Variants in LPIN2 observed in about 807,000 individuals in gnomAD.
LPIN2 encodes phosphatidate phosphatase LPIN2.
In LPIN2, 55 loss-of-function variants were observed where a neutral mutation model predicts 111.4. The observed-to-expected ratio is 0.49, with a 90% CI of 0.40 to 0.62. LPIN2 has a LOEUF of 0.62. LPIN2 is among the 20% of genes least tolerant of loss of function. LPIN2 has a pLI of 0.00. For missense variants in LPIN2, 992 were observed against 1,112.1 expected, an observed-to-expected ratio of 0.89 and a Z score of 1.54; for synonymous variants, 425 against 414.0, an observed-to-expected ratio of 1.03 and a Z score of -0.32.
In LPIN2 at chr18:2,918,544, A is replaced by G. The variant is rs760254986; in HGVS notation, c.*1749T>C. ...GAACCCAGGATCCCTAACCTACTGT[A>G]GATAAATAAACTCATTAAACAATTA... On this transcript the variant is annotated 3_prime_UTR_variant, in exon 20 of 20. Transcript: ENST00000677752. The G allele has an allele frequency of 1.3e-5, 2 of 152,222 alleles. No homozygotes were observed. The highest frequency in any genetic ancestry group is 2.4e-5 in the African/African-American group (1 of 41,448). 9.4% of individuals were successfully genotyped at this position (152,222 alleles called of 1,614,324 possible).
In LPIN2 at chr18:2,934,357, G is replaced by A; in HGVS notation, c.1262C>T (p.Pro421Leu). Reference protein sequence around the residue: ...LEPEVAALYFPKSESEPGSRQ... With the variant: ...LEPEVAALYFLKSESEPGSRQ... Reference sequence around the variant, plus strand: ...TAAATAAGGACCACTCTACCTTTTAGGGAAATAAAGAGCTGCAACTTCAGG... The same window carrying A: ...TAAATAAGGACCACTCTACCTTTTAAGGAAATAAAGAGCTGCAACTTCAGG... Residue 421 changes from proline to leucine, a missense_variant, in exon 8 of 20, where the codon CCT (proline) becomes CTT (leucine). By Grantham distance (98) the Pro-to-Leu change is moderately conservative. This residue lies in a region of LPIN2 where 709 missense variants were observed against 753.2 expected (regional missense o/e 0.94). Coordinates refer to ENST00000677752, the MANE Select transcript of LPIN2 (RefSeq NM_001375808.2). The A allele has an allele frequency of 6.2e-7, 1 of 1,606,858 alleles. No homozygotes were observed. The highest frequency in any genetic ancestry group is 1.1e-5 in the South Asian group (1 of 90,860).
intron 7 of LPIN2, among the ~76,000 whole-genome samples, chr18:2,935,914 G>A (rs1031971116): frequency 1.3e-5 from 2 of 152,204 alleles, no homozygotes; most frequent in African/African-American, 4.8e-5. Context: ...CCTGTCTCTA[G>A]TCAGATCCTG....
At chr18:2,994,353 G>T (rs916088609) in intron 1 of LPIN2, among the ~76,000 whole-genome samples, 3 of 152,274 alleles carry the variant, frequency 2.0e-5, no homozygotes, top group African/African-American at 7.2e-5. Context: ...GCCCTGGTCA[G>T]TGTAGATGTG....
intron 10 of LPIN2, 106 bp from the exon 11 acceptor site, chr18:2,928,766 C>G: frequency 1.2e-6 from 1 of 869,036 alleles, no homozygotes; most frequent in African/African-American, 1.7e-5. Flanking sequence ...TATAAAATTG[C>G]TTATTCTTTT....
At chr18:2,939,674 T>C in intron 5 of LPIN2, 71 bp from the exon 6 acceptor site, 1 of 1,563,780 alleles carries the variant, frequency 6.4e-7, no homozygotes, top group Non-Finnish European at 8.7e-7. Flanking sequence ...GCCTGACAGA[T>C]TAAAAGAAAC....
chr18:3,007,055 TTA>T (rs1567867662), intron 1 of LPIN2, among the ~76,000 whole-genome samples: 1 of 150,934 alleles, frequency 6.6e-6, no homozygotes, highest in African/African-American at 2.5e-5. Context: ...AAACAAAGCT[TTA>T]TCTCTCTCTC....
chr18:3,002,339 A>G (rs1055897076), intron 1 of LPIN2, among the ~76,000 whole-genome samples: 9 of 152,152 alleles, frequency 5.9e-5, no homozygotes, highest in Admixed American at 4.6e-4. Context: ...TTTATAAGCT[A>G]AGAAAATTAG....
At chr18:3,005,355 A>G (rs1298813339) in intron 1 of LPIN2, among the ~76,000 whole-genome samples, 1 of 151,810 alleles carries the variant, frequency 6.6e-6, no homozygotes, top group Non-Finnish European at 1.5e-5. Flanking sequence ...CCGTCTCAAA[A>G]AAAAAAAAGA....
chr18:2,961,772 A>G (rs559306664), intron 1 of LPIN2, among the ~76,000 whole-genome samples: 1 of 152,230 alleles, frequency 6.6e-6, no homozygotes, highest in East Asian at 1.9e-4. Flanking sequence ...GACACCCCTA[A>G]TATTATGCCA....
At chr18:3,004,905 G>A (rs112730753) in intron 1 of LPIN2, among the ~76,000 whole-genome samples, 18 of 152,240 alleles carry the variant, frequency 1.2e-4, no homozygotes, top group African/African-American at 4.3e-4. Context: ...AAGTAGGCAT[G>A]GTAGGGCCAC....
intron 15 of LPIN2, 148 bp from the exon 16 acceptor site, chr18:2,924,009 G>A (rs989136558): frequency 4.1e-5 from 30 of 730,260 alleles, no homozygotes; most frequent in Non-Finnish European, 6.8e-5. Context: ...CAACTGCAAG[G>A]CCATCCCATG....
intron 1 of LPIN2, among the ~76,000 whole-genome samples, chr18:2,984,532 A>AGAAG (rs1210713575): frequency 6.6e-6 from 1 of 152,082 alleles, no homozygotes; most frequent in African/African-American, 2.4e-5. Flanking sequence ...GAGGTCAGCA[A>AGAAG]GAAGGGGAGG....
intron 1 of LPIN2, among the ~76,000 whole-genome samples, chr18:2,979,513 CAATA>C (rs1313853577): frequency 6.6e-6 from 1 of 152,120 alleles, no homozygotes; most frequent in Non-Finnish European, 1.5e-5. Context: ...AGTTGTAGTA[CAATA>C]AATATTTGCT....
At chr18:3,000,661 G>A (rs2078421256) in intron 1 of LPIN2, among the ~76,000 whole-genome samples, 1 of 152,168 alleles carries the variant, frequency 6.6e-6, no homozygotes, top group Non-Finnish European at 1.5e-5. Flanking sequence ...CACCAGGATT[G>A]ATAAATACCC....
chr18:2,959,545 G>A (rs1035131828), intron 2 of LPIN2, among the ~76,000 whole-genome samples: 6 of 152,182 alleles, frequency 3.9e-5, no homozygotes, highest in African/African-American at 1.4e-4. Context: ...TAGATACTGC[G>A]AGGCAAGAAT....
intron 19 of LPIN2, 96 bp downstream of exon 19, chr18:2,920,682 G>A: frequency 2.1e-6 from 2 of 940,382 alleles, no homozygotes; most frequent in Non-Finnish European, 3.5e-6. Flanking sequence ...ATCAGGGCCT[G>A]ATCTCAAGGA....
At position 2,923,873 on chromosome 18, in the gene LPIN2, G is replaced by T; in HGVS notation, c.2088-12C>A. 6.2e-7 allele frequency: 1 copy of T among 1,610,136 alleles called. No homozygotes were observed. The highest frequency in any genetic ancestry group is 8.5e-7 in the Non-Finnish European group (1 of 1,176,396). ...CCAAAGCATCCGACCTAAGAAGACGGTAGAAACAGGAAAAGCTATCAGGAA... is the reference window on the plus strand; with the variant it reads ...CCAAAGCATCCGACCTAAGAAGACGTTAGAAACAGGAAAAGCTATCAGGAA... On this transcript the variant is annotated splice_polypyrimidine_tract_variant and intron_variant, in intron 15 of 19. Transcript: ENST00000677752.
intron 1 of LPIN2, among the ~76,000 whole-genome samples, chr18:2,996,638 T>C (rs2078349563): frequency 6.6e-6 from 1 of 151,454 alleles, no homozygotes; most frequent in Non-Finnish European, 1.5e-5. Context: ...CCATCACGCC[T>C]GGCTAATTTT....
intron 4 of LPIN2, among the ~76,000 whole-genome samples, chr18:2,942,122 C>T (rs1784744): frequency 0.52 from 79,511 of 151,660 alleles, 21,807 homozygotes; most frequent in Non-Finnish European, 0.61. Context: ...TATATCTTAA[C>T]TTAACATACT....
Sources: gnomAD v4.1 joint callset for allele counts (sites outside exome capture counted in the v4.1 genomes callset) on GRCh38, gnomAD v4.1.1 for gene constraint, gnomAD v4.1.1 regional missense constraint, MANE v1.5 for transcripts, NCBI Gene and HGNC (gene_info 2026-07-23, HGNC 2026-07-21) for gene names.